ST8SIA6: variants seen among roughly 807,000 people sequenced by gnomAD.
The protein encoded by ST8SIA6 is ST8 alpha-N-acetyl-neuraminide alpha-2,8-sialyltransferase 6.
In ST8SIA6, 39 loss-of-function variants were observed where a neutral mutation model predicts 33.6. The ratio of observed to expected loss-of-function variants is 1.16; its 90% CI spans 0.90 to 1.52. The LOEUF (loss-of-function observed/expected upper bound fraction) is 1.52. ST8SIA6 is among the 40% of genes most tolerant of loss of function. ST8SIA6 has a pLI of 0.00. For missense variants in ST8SIA6, 441 were observed against 443.8 expected, an observed-to-expected ratio of 0.99 and a Z score of 0.06; for synonymous variants, 172 against 167.2, an observed-to-expected ratio of 1.03 and a Z score of -0.22.
chr10:17,401,647 C>G (rs1447115910), intron 2 of ST8SIA6, among the ~76,000 whole-genome samples: 1 of 152,200 alleles, frequency 6.6e-6, no homozygotes, highest in African/African-American at 2.4e-5. Flanking sequence ...ACCATCTGAT[C>G]TTTGACAAAC....
chr10:17,436,610 A>G (rs1168122454), intron 2 of ST8SIA6, among the ~76,000 whole-genome samples: 1 of 145,334 alleles, frequency 6.9e-6, no homozygotes, highest in African/African-American at 2.6e-5. Flanking sequence ...CCTATGAGTG[A>G]GAACATGCAG....
chr10:17,427,789 T>C (rs969978764), intron 2 of ST8SIA6, among the ~76,000 whole-genome samples: 7 of 152,242 alleles, frequency 4.6e-5, no homozygotes, highest in East Asian at 3.9e-4. Flanking sequence ...GAGGCAATCA[T>C]TGGACACTTG....
chr10:17,324,962 GTATA>G (rs1848077621), intron 6 of ST8SIA6, among the ~76,000 whole-genome samples: 2 of 142,012 alleles, frequency 1.4e-5, no homozygotes. Flanking sequence ...CACATAATGT[GTATA>G]TAATATGTAA....
chr10:17,331,657 C>CA lies in ST8SIA6; in HGVS notation c.378-106dup, dbSNP rs558774065. ...AAGAGGATTTTGCCAAACTGACTTT[C>CA]AAAAAGAAGATAATTATTCACAAAG... On this transcript the variant is annotated intron_variant, in intron 4 of 7. Coordinates refer to ENST00000377602, the MANE Select transcript of ST8SIA6 (RefSeq NM_001004470.3). The CA allele has an allele frequency of 4.0e-5, 46 of 1,154,806 alleles. 1 individual carries two copies. The South Asian group carries it at 8.8e-4, about 22-fold the overall frequency. 71.5% of individuals were successfully genotyped at this position (1,154,806 alleles called of 1,614,324 possible).
chr10:17,393,299 C>T (rs1850686289), intron 2 of ST8SIA6, among the ~76,000 whole-genome samples: 1 of 152,180 alleles, frequency 6.6e-6, no homozygotes, highest in Non-Finnish European at 1.5e-5. Context: ...TTCTCAGCCT[C>T]CCCTAATTAT....
intron 5 of ST8SIA6, among the ~76,000 whole-genome samples, chr10:17,328,820 C>T (rs1848213263): frequency 6.6e-6 from 1 of 152,130 alleles, no homozygotes; most frequent in African/African-American, 2.4e-5. Context: ...ACGAACCTGA[C>T]CCTGGCCTGT....
At chr10:17,375,803 AC>A (rs1849895559) in intron 3 of ST8SIA6, among the ~76,000 whole-genome samples, 1 of 152,186 alleles carries the variant, frequency 6.6e-6, no homozygotes, top group African/African-American at 2.4e-5. Flanking sequence ...TCAGTCCCTT[AC>A]TAGAGGATCT....
At chr10:17,434,724 G>C (rs571462831) in intron 2 of ST8SIA6, among the ~76,000 whole-genome samples, 6 of 151,324 alleles carry the variant, frequency 4.0e-5, no homozygotes, top group Admixed American at 2.6e-4. Context: ...GTGTCTGTAG[G>C]TGTTGGGAGG....
chr10:17,415,346 TACTC>T (rs1472378832), intron 2 of ST8SIA6, among the ~76,000 whole-genome samples: 4 of 152,158 alleles, frequency 2.6e-5, no homozygotes, highest in Non-Finnish European at 4.4e-5. Flanking sequence ...TCTCCTAAGA[TACTC>T]AATCATTGTC....
chr10:17,321,243 C>G lies in ST8SIA6; in HGVS notation c.832G>C (p.Gly278Arg). Residue 278 changes from glycine to arginine, a missense_variant, in exon 8 of 8, where the codon GGT (glycine) becomes CGT (arginine). Gly to Arg is a moderately radical substitution (Grantham distance 125, BLOSUM62 -2). Transcript: ENST00000377602. The part of the protein sequence containing the change: ...LPAFSFRANT[G>R]TSFKVYYTLE... ...GTGTAGTATACTTTGAAAGAGGTAC[C>G]CGTGTTGGCCCTGAAGGAAAATGCT... The G allele has an allele frequency of 6.2e-7, 1 of 1,613,912 alleles. No homozygotes were observed. The highest frequency in any genetic ancestry group is 1.1e-5 in the South Asian group (1 of 91,060).
At chr10:17,410,938 A>C (rs1317526786) in intron 2 of ST8SIA6, among the ~76,000 whole-genome samples, 1 of 152,214 alleles carries the variant, frequency 6.6e-6, no homozygotes, top group East Asian at 1.9e-4. Flanking sequence ...TACTGTGCTT[A>C]GGTAAACTGT....
chr10:17,446,128 TTTA>T (rs1852697837), intron 2 of ST8SIA6, among the ~76,000 whole-genome samples: 1 of 152,162 alleles, frequency 6.6e-6, no homozygotes, highest in Non-Finnish European at 1.5e-5. Flanking sequence ...AGGGAAATCT[TTTA>T]GTCCCTGAGG....
At position 17,441,416 on chromosome 10, in the gene ST8SIA6, G is replaced by A. The variant is rs188924528; in HGVS notation, c.200+12143C>T. On this transcript the variant is annotated intron_variant, in intron 2 of 7. Transcript: ENST00000377602. Reference sequence around the variant, plus strand: ...CAACCTCCACCTCCCAGGTACAAGCGATTCTCCTGTCTCAGCCTCCCAAGT... The same window carrying A: ...CAACCTCCACCTCCCAGGTACAAGCAATTCTCCTGTCTCAGCCTCCCAAGT... Among the ~76,000 whole-genome samples, 1,222 of 152,164 alleles carry A rather than the reference G, an allele frequency of 8.0e-3. 21 individuals carry two copies. Among genetic ancestry groups the A allele is most frequent in the African/African-American group, 0.028 (1,177 of 41,498 alleles).
At chr10:17,383,596 T>G (rs1850235294) in intron 3 of ST8SIA6, among the ~76,000 whole-genome samples, 1 of 152,254 alleles carries the variant, frequency 6.6e-6, no homozygotes, top group African/African-American at 2.4e-5. Flanking sequence ...CATGGACAAT[T>G]GTTGTCTTGT....
chr10:17,325,635 G>C (rs894791523), intron 6 of ST8SIA6, among the ~76,000 whole-genome samples: 2 of 151,892 alleles, frequency 1.3e-5, no homozygotes, highest in South Asian at 2.1e-4. Flanking sequence ...TTTGTTTTCT[G>C]AACTGTCAAC....
At chr10:17,342,447 A>G (rs941040725) in intron 4 of ST8SIA6, among the ~76,000 whole-genome samples, 1 of 152,168 alleles carries the variant, frequency 6.6e-6, no homozygotes, top group Non-Finnish European at 1.5e-5. Context: ...ATATTTCCTC[A>G]TTGAATGAAT....
intron 3 of ST8SIA6, among the ~76,000 whole-genome samples, chr10:17,376,098 C>T (rs1849908937): frequency 6.6e-6 from 1 of 152,176 alleles, no homozygotes; most frequent in Non-Finnish European, 1.5e-5. Flanking sequence ...TTAGTCAAAA[C>T]CCCCAACATG....
chr10:17,421,320 T>G (rs988169307), intron 2 of ST8SIA6, among the ~76,000 whole-genome samples: 1 of 152,200 alleles, frequency 6.6e-6, no homozygotes, highest in Non-Finnish European at 1.5e-5. Flanking sequence ...CTCATGGGCA[T>G]TGTTCCTGAG....
chr10:17,330,241 T>A (rs1474148457), intron 5 of ST8SIA6, among the ~76,000 whole-genome samples: 1 of 152,202 alleles, frequency 6.6e-6, no homozygotes, highest in Non-Finnish European at 1.5e-5. Flanking sequence ...AAGTGCCAAA[T>A]GAGGGTAAAG....
Sources: allele counts gnomAD v4.1 joint callset (sites outside exome capture counted in the v4.1 genomes callset), GRCh38; gene constraint gnomAD v4.1.1; transcripts MANE v1.5; gene names NCBI Gene and HGNC (gene_info 2026-07-23, HGNC 2026-07-21).